Variants in CYFIP1 observed in about 807,000 individuals in gnomAD.
The protein encoded by CYFIP1 is cytoplasmic FMR1-interacting protein 1.
Under a neutral mutation model 163.5 loss-of-function variants are expected in CYFIP1, and 58 were observed. The ratio of observed to expected loss-of-function variants is 0.35; its 90% CI spans 0.29 to 0.44. The LOEUF (loss-of-function observed/expected upper bound fraction) is 0.44. Ranked by LOEUF, CYFIP1 falls within the 20% of genes least tolerant of loss-of-function variation. The probability of loss-of-function intolerance (pLI) is 1.00; values close to 1 mark genes in which losing one functional copy is unlikely to be tolerated. For missense variants in CYFIP1, 1,338 were observed against 1,653.8 expected, an observed-to-expected ratio of 0.81 and a Z score of 3.31; for synonymous variants, 663 against 660.7, an observed-to-expected ratio of 1.00 and a Z score of -0.05.
intron 1 of CYFIP1, among the ~76,000 whole-genome samples, chr15:22,978,327 G>C: frequency 7.7e-6 from 1 of 130,242 alleles, no homozygotes; most frequent in South Asian, 2.5e-4. Context: ...ACTCCAGTCT[G>C]GGCCACAGAG....
intron 13 of CYFIP1, among the ~76,000 whole-genome samples, chr15:22,924,651 A>C (rs1190659014): frequency 6.6e-6 from 1 of 152,134 alleles, no homozygotes; most frequent in Non-Finnish European, 1.5e-5. Context: ...GTGACTGTAC[A>C]ACTCTGTGAA....
chr15:22,869,928 C>CACCTGTTAA lies in CYFIP1; in HGVS notation c.*99_*100insTTAACAGGT. ...TTAGATCGAAAAGCACCCCCTTTAA[C>CACCTGTTAA]AGGTACAGAGATACTGAAAAATAGT... is the stretch of plus-strand genomic sequence containing the variant. On this transcript the variant is annotated 3_prime_UTR_variant, in exon 31 of 31. Coordinates refer to ENST00000617928, the MANE Select transcript of CYFIP1 (RefSeq NM_014608.6). 1 of 1,099,270 alleles carries CACCTGTTAA rather than the reference C, an allele frequency of 9.1e-7. No homozygotes were observed. Among genetic ancestry groups the CACCTGTTAA allele is most frequent in the Non-Finnish European group, 1.2e-6 (1 of 831,614 alleles). The allele number at this position is 1,099,270 out of a possible 1,614,324, so 68.1% of individuals were successfully genotyped here.
At chr15:22,880,555 A>G (rs1350337380) in intron 25 of CYFIP1, among the ~76,000 whole-genome samples, 5 of 152,196 alleles carry the variant, frequency 3.3e-5, no homozygotes, top group African/African-American at 1.2e-4. Context: ...ATAAGGCACA[A>G]AAAGACGCAA....
At chr15:22,970,388 A>G (rs1196497379) in intron 1 of CYFIP1, among the ~76,000 whole-genome samples, 3 of 152,220 alleles carry the variant, frequency 2.0e-5, no homozygotes, top group Non-Finnish European at 4.4e-5. Context: ...CTAAAGACTC[A>G]ATGCAATCCC....
intron 1 of CYFIP1, among the ~76,000 whole-genome samples, chr15:22,959,396 C>T (rs1429860657): frequency 3.3e-5 from 5 of 152,328 alleles, no homozygotes; most frequent in South Asian, 2.1e-4. Context: ...ACAGAGGGGG[C>T]GCTCCCACGC....
chr15:22,927,663 A>G (rs8042342), intron 12 of CYFIP1, among the ~76,000 whole-genome samples: 118,452 of 151,694 alleles, frequency 0.78, 46,535 homozygotes, highest in East Asian at 0.88. Flanking sequence ...CAAAAAAAGA[A>G]CGACTTAAAG....
At chr15:22,882,333 A>T (rs190135390) in intron 24 of CYFIP1, among the ~76,000 whole-genome samples, 2 of 152,304 alleles carry the variant, frequency 1.3e-5, no homozygotes, top group Admixed American at 1.3e-4. Context: ...CAGCAATCCT[A>T]ACACCCTCCA....
At chr15:22,932,818 ACACACTGT>A (rs994110291) in intron 10 of CYFIP1, among the ~76,000 whole-genome samples, 2 of 152,138 alleles carry the variant, frequency 1.3e-5, no homozygotes, top group Non-Finnish European at 2.9e-5. Flanking sequence ...GTCACATCTG[ACACACTGT>A]CAGTCTCTTC....
At chr15:22,911,080 G>A (rs2060772581) in intron 18 of CYFIP1, among the ~76,000 whole-genome samples, 1 of 152,028 alleles carries the variant, frequency 6.6e-6, no homozygotes, top group Admixed American at 6.5e-5. Flanking sequence ...GGTGGCACGT[G>A]CCCGTGGTCC....
intron 1 of CYFIP1, among the ~76,000 whole-genome samples, chr15:22,965,712 T>C (rs1372610285): frequency 6.6e-6 from 1 of 152,202 alleles, no homozygotes; most frequent in Non-Finnish European, 1.5e-5. Flanking sequence ...CCTGTATTTT[T>C]ATCTAACAGG....
At chr15:22,963,579 T>A (rs907068607) in intron 1 of CYFIP1, among the ~76,000 whole-genome samples, 1 of 137,222 alleles carries the variant, frequency 7.3e-6, no homozygotes, top group Non-Finnish European at 1.6e-5. Context: ...AATATCCCCC[T>A]GAAAACTTTT....
Position 22,932,219 on chromosome 15 carries a change from G to T in CYFIP1, c.1110+4C>A. On this transcript the variant is annotated splice_donor_region_variant and intron_variant, in intron 11 of 30. Coordinates refer to ENST00000617928, the MANE Select transcript of CYFIP1 (RefSeq NM_014608.6). ...CCTGTGCAGCTCCAGGTCGCGGGGCGCACCTCGCTGTTGCTGTAGCGCGCC... is the reference window on the plus strand; with the variant it reads ...CCTGTGCAGCTCCAGGTCGCGGGGCTCACCTCGCTGTTGCTGTAGCGCGCC... 1 of 1,605,548 alleles carries T rather than the reference G, an allele frequency of 6.2e-7. No individual in the cohort carries two copies. The highest frequency in any genetic ancestry group is 8.5e-7 in the Non-Finnish European group (1 of 1,175,084).
chr15:22,935,184 C>T (rs2142253405), intron 9 of CYFIP1, among the ~76,000 whole-genome samples: 1 of 152,308 alleles, frequency 6.6e-6, no homozygotes, highest in East Asian at 1.9e-4. Context: ...AAGACACACC[C>T]TTCCAGATTA....
intron 6 of CYFIP1, among the ~76,000 whole-genome samples, chr15:22,942,527 A>G (rs1178625846): frequency 6.6e-6 from 1 of 151,344 alleles, no homozygotes; most frequent in African/African-American, 2.5e-5. Context: ...CCCATCGGCC[A>G]CCCACTGCCC....
chr15:22,957,740 C>T (rs2062528257), intron 1 of CYFIP1, among the ~76,000 whole-genome samples: 2 of 152,226 alleles, frequency 1.3e-5, no homozygotes, highest in South Asian at 4.1e-4. Flanking sequence ...GTGCACAAGG[C>T]ATGAGCTGAT....
At chr15:22,888,353 ATC>A (rs1371285019) in intron 23 of CYFIP1, among the ~76,000 whole-genome samples, 4 of 152,184 alleles carry the variant, frequency 2.6e-5, no homozygotes, top group Admixed American at 2.6e-4. Flanking sequence ...CTCAGACATC[ATC>A]TCTTTTAGTA....
At chr15:22,967,257 T>C (rs2062943699) in intron 1 of CYFIP1, among the ~76,000 whole-genome samples, 1 of 152,096 alleles carries the variant, frequency 6.6e-6, no homozygotes, top group Admixed American at 6.6e-5. Flanking sequence ...TTATAAATCT[T>C]GGAGAGTCTT....
At chr15:22,932,915 C>T (rs891323242) in intron 10 of CYFIP1, among the ~76,000 whole-genome samples, 17 of 152,134 alleles carry the variant, frequency 1.1e-4, no homozygotes, top group African/African-American at 3.6e-4. Flanking sequence ...CTGCAACCTC[C>T]ACCTCCTAGA....
chr15:22,934,353 AT>A (rs1311047828), intron 9 of CYFIP1, among the ~76,000 whole-genome samples: 1 of 148,514 alleles, frequency 6.7e-6, no homozygotes, highest in Non-Finnish European at 1.5e-5. Context: ...CACCCAGCTA[AT>A]TTTTTGTATT....
Sources: gnomAD v4.1 joint callset for allele counts (sites outside exome capture counted in the v4.1 genomes callset) on GRCh38, gnomAD v4.1.1 for gene constraint, MANE v1.5 for transcripts, NCBI Gene and HGNC (gene_info 2026-07-23, HGNC 2026-07-21) for gene names.